Variants in TOP1MT observed in about 807,000 individuals in gnomAD.
TOP1MT encodes DNA topoisomerase I, mitochondrial.
TOP1MT carries 80 observed loss-of-function variants against 73.9 expected under a neutral mutation model. The ratio of observed to expected loss-of-function variants is 1.08; its 90% CI spans 0.90 to 1.30. The LOEUF (loss-of-function observed/expected upper bound fraction) is 1.30. Ranked by LOEUF, TOP1MT falls within the 50% of genes most tolerant of loss-of-function variation. The pLI is 0.00. For missense variants in TOP1MT, 815 were observed against 808.0 expected, an observed-to-expected ratio of 1.01 and a Z score of -0.10; for synonymous variants, 338 against 326.4, an observed-to-expected ratio of 1.04 and a Z score of -0.38.
chr8:143,321,125 C>G, intron 8 of TOP1MT, 76 bp downstream of exon 8: 1 of 1,444,950 alleles, frequency 6.9e-7, no homozygotes. Context: ...GACCCCACGG[C>G]AGCTCCGGCA....
At chr8:143,330,498 T>G (rs903411242) in intron 2 of TOP1MT, among the ~76,000 whole-genome samples, 1 of 152,138 alleles carries the variant, frequency 6.6e-6, no homozygotes, top group African/African-American at 2.4e-5. Flanking sequence ...AACAAAACAT[T>G]GCATCAAAGG....
chr8:143,345,316 G>A (rs2130433359), upstream of TOP1MT, among the ~76,000 whole-genome samples: 1 of 151,380 alleles, frequency 6.6e-6, no homozygotes, highest in Non-Finnish European at 1.5e-5. Flanking sequence ...ACCTGGCAGA[G>A]CCCTGCAGGA....
rs112489207 is a variant in TOP1MT at position 143,341,122 on chromosome 8, C to G, written c.29+2098G>C. Among the ~76,000 whole-genome samples, 299 of 152,334 alleles carry G rather than the reference C, an allele frequency of 2.0e-3. 1 individual carries two copies. Among genetic ancestry groups the G allele is most frequent in the African/African-American group, 6.9e-3 (287 of 41,576 alleles). ...ACAGCTGAGGGTCTCAGGCTTGCCC[C>G]TAGCGTCCCCGCCACCCTCTTCTCG... On this transcript the variant is annotated intron_variant, in intron 2 of 5. Transcript: ENST00000518007. The surrounding 1 kb of genome is among the most constrained non-coding windows in gnomAD (Gnocchi z 4.1).
Position 143,317,836 on chromosome 8 carries a change from G to A in TOP1MT, c.1217C>T (p.Thr406Met), listed in dbSNP as rs778664470. 10 of 1,614,052 alleles carry A rather than the reference G, an allele frequency of 6.2e-6. No homozygotes were observed. Among genetic ancestry groups the A allele is most frequent in the Non-Finnish European group, 5.9e-6 (7 of 1,179,944 alleles). ...CTGGAGGTGCTTGTTCAGGCTGGTC[G>A]TCTGGGGAGGAAAATGGTCTCTATA... Reference protein sequence around the residue: ...PRDDLFDRLTTTSLNKHLQEL... With the variant: ...PRDDLFDRLTMTSLNKHLQEL... The change falls in exon 10 of 14, where the codon ACG becomes ATG. Residue 406 changes from threonine (T) to methionine (M), a missense_variant and splice_region_variant. This residue lies in a region of TOP1MT where 751 missense variants were observed against 725.4 expected (regional missense o/e 1.04). Coordinates refer to ENST00000329245, the MANE Select transcript of TOP1MT (RefSeq NM_052963.3).
At position 143,322,176 on chromosome 8, in the gene TOP1MT, C is replaced by T. The variant is rs540017063; in HGVS notation, c.961-790G>A. On this transcript the variant is annotated intron_variant, in intron 7 of 13. Coordinates refer to ENST00000329245, the MANE Select transcript of TOP1MT (RefSeq NM_052963.3). The stretch of plus-strand genomic sequence containing the variant: ...ACGCACGCCACACACGCATGCCACA[C>T]GCACGCCACACAGGCACGCCACACA... Among the ~76,000 whole-genome samples, 25 of 109,048 alleles carry T rather than the reference C, an allele frequency of 2.3e-4. 1 individual carries two copies. Among genetic ancestry groups the T allele is most frequent in the African/African-American group, 8.0e-4 (24 of 30,122 alleles). 71.5% of individuals were successfully genotyped at this position (109,048 alleles called of 152,430 possible). A position where few individuals can be genotyped will look rare whatever the true frequency, so the allele number is the denominator to read the frequency against.
intron 2 of TOP1MT, among the ~76,000 whole-genome samples, chr8:143,342,735 G>A (rs1817144294): frequency 1.1e-5 from 1 of 93,644 alleles, no homozygotes; most frequent in Non-Finnish European, 2.5e-5. Flanking sequence ...ATTAGAGACA[G>A]AGTCTCGCTC....
At chr8:143,317,575 T>G in intron 10 of TOP1MT, 148 bp downstream of exon 10, 1 of 694,404 alleles carries the variant, frequency 1.4e-6, no homozygotes, top group South Asian at 1.9e-5. Flanking sequence ...CCACCTAGGC[T>G]GCCAAGCAGC....
chr8:143,342,966 G>A (rs1817157994), intron 2 of TOP1MT, among the ~76,000 whole-genome samples: 3 of 151,824 alleles, frequency 2.0e-5, no homozygotes, highest in Middle Eastern at 3.2e-3. Flanking sequence ...TCATCATGTT[G>A]GACAGGCTGG....
upstream of TOP1MT, among the ~76,000 whole-genome samples, chr8:143,339,281 G>A (rs918024415): frequency 2.0e-5 from 3 of 152,156 alleles, no homozygotes; most frequent in Non-Finnish European, 2.9e-5. Flanking sequence ...ATGCTAATGC[G>A]ATGGTATGCA....
rs1332853507 is a variant in TOP1MT, at chr8:143,323,642, G to A, written c.960+357C>T. Among the ~76,000 whole-genome samples, 5 of 31,316 alleles carry A rather than the reference G, an allele frequency of 1.6e-4. 1 individual carries two copies. Among genetic ancestry groups the A allele is most frequent in the East Asian group, 2.7e-3 (1 of 370 alleles). The allele number at this position is 31,316 out of a possible 152,430, so 20.5% of individuals were successfully genotyped here. On this transcript the variant is annotated intron_variant, in intron 7 of 13. Transcript: ENST00000329245. Reference sequence around the variant, plus strand: ...GGCACGCCACACACGCACGCCACACGCACGCCACACACATGCTCACCACAC... The same window carrying A: ...GGCACGCCACACACGCACGCCACACACACGCCACACACATGCTCACCACAC...
chr8:143,324,613 C>G lies in TOP1MT; in HGVS notation c.688G>C (p.Glu230Gln). The change falls in exon 6 of 14, where the codon GAG becomes CAG. Residue 230 changes from glutamate to glutamine, a missense_variant. By Grantham distance (29) the Glu-to-Gln change is conservative. Transcript: ENST00000329245. ...INCSRDSKIP[E>Q]PPAGHQWKEV... Reference sequence around the variant, plus strand: ...TTCCACTGGTGCCCCGCCGGCGGCTCGGGGATCTTCGAGTCCCTGCAGCAG... The same window carrying G: ...TTCCACTGGTGCCCCGCCGGCGGCTGGGGGATCTTCGAGTCCCTGCAGCAG... 1 of 1,613,274 alleles carries G rather than the reference C, an allele frequency of 6.2e-7. No homozygotes were observed. Among genetic ancestry groups the G allele is most frequent in the Non-Finnish European group, 8.5e-7 (1 of 1,179,828 alleles).
intron 2 of TOP1MT, among the ~76,000 whole-genome samples, chr8:143,342,649 A>G (rs1226082435): frequency 2.1e-4 from 6 of 29,066 alleles, no homozygotes; most frequent in South Asian, 2.5e-3. Flanking sequence ...CTCTATTATT[A>G]TTATTATTAT....
At chr8:143,329,203 G>T in intron 3 of TOP1MT, 147 bp downstream of exon 3, 1 of 883,404 alleles carries the variant, frequency 1.1e-6, no homozygotes, top group Non-Finnish European at 1.7e-6. Flanking sequence ...GGAGCTCGAA[G>T]CTGCAAAGAG....
intron 7 of TOP1MT, among the ~76,000 whole-genome samples, chr8:143,323,431 G>A (rs1362940212): frequency 8.7e-5 from 5 of 57,528 alleles, no homozygotes; most frequent in Admixed American, 6.6e-4. Flanking sequence ...ACACAGGCAC[G>A]CCACACACGC....
intron 10 of TOP1MT, among the ~76,000 whole-genome samples, chr8:143,317,188 A>G (rs528296370): frequency 4.5e-4 from 69 of 152,328 alleles, no homozygotes; most frequent in African/African-American, 1.6e-3. Context: ...CGGACATCAC[A>G]GAGCAGCCCG....
Position 143,323,465 on chromosome 8 carries a change from T to C in TOP1MT, c.960+534A>G, listed in dbSNP as rs1215715277. ...GCACGCCACACGCACGCCACACACA[T>C]GCTCACCACACACGCACGCCACACA... On this transcript the variant is annotated intron_variant, in intron 7 of 13. Coordinates refer to ENST00000329245, the MANE Select transcript of TOP1MT (RefSeq NM_052963.3). Among the ~76,000 whole-genome samples the C allele has an allele frequency of 1.5e-3, 43 of 29,042 alleles. 1 individual carries two copies. Among genetic ancestry groups the C allele is most frequent in the African/African-American group, 7.2e-3 (37 of 5,126 alleles). The allele number at this position is 29,042 out of a possible 152,430, so 19.1% of individuals were successfully genotyped here. A position where few individuals can be genotyped will look rare whatever the true frequency, so the allele number is the denominator to read the frequency against.
chr8:143,323,160 G>GAT (rs1816568756), intron 7 of TOP1MT, among the ~76,000 whole-genome samples: 4 of 29,788 alleles, frequency 1.3e-4, no homozygotes, highest in Admixed American at 4.6e-4. Flanking sequence ...ACGCCACACA[G>GAT]GCACGCCACA....
intron 12 of TOP1MT, among the ~76,000 whole-genome samples, chr8:143,312,215 AAAT>A (rs1586746967): frequency 6.6e-6 from 1 of 152,198 alleles, no homozygotes; most frequent in African/African-American, 2.4e-5. Context: ...ATATTATATT[AAAT>A]ATTATTCAAC....
intron 1 of TOP1MT, chr8:143,355,175 G>C (rs1056389583): frequency 6.6e-6 from 1 of 152,216 alleles, no homozygotes; most frequent in African/African-American, 2.4e-5. Flanking sequence ...CCAGAGGGCA[G>C]GTACCGGAAA....
Sources: gnomAD v4.1 joint callset for allele counts (sites outside exome capture counted in the v4.1 genomes callset) on GRCh38, gnomAD v4.1.1 for gene constraint, gnomAD v4.1.1 regional missense constraint, Gnocchi (gnomAD v3.1) non-coding constraint, MANE v1.5 for transcripts, NCBI Gene and HGNC (gene_info 2026-07-23, HGNC 2026-07-21) for gene names.